NELL1: variants seen among roughly 807,000 people sequenced by gnomAD.
NELL1 encodes protein kinase C-binding protein NELL1.
A neutral mutation model predicts 107.4 loss-of-function variants in NELL1; 76 were observed. That is an observed-to-expected ratio of 0.71 (90% CI 0.59 to 0.86). NELL1 has a LOEUF of 0.86. NELL1 is among the 40% of genes least tolerant of loss of function. The pLI is 0.00. For synonymous variants in NELL1, 353 were observed against 341.2 expected (o/e 1.03, Z -0.38); for missense variants, 1,024 against 1,005.5 (o/e 1.02, Z -0.25).
chr11:20,781,943 G>A (rs1203850562), intron 2 of NELL1, among the ~76,000 whole-genome samples: 1 of 150,286 alleles, frequency 6.7e-6, no homozygotes, highest in Non-Finnish European at 1.5e-5. Context: ...TTGGGAGGCT[G>A]AAGTGGGAGA....
Position 21,345,339 on chromosome 11 carries a change from G to C in NELL1, c.1550-25514G>C, listed in dbSNP as rs182858827. On this transcript the variant is annotated intron_variant, in intron 14 of 19. Transcript: ENST00000357134. ...GCTCAATGTCACACACAAAATGAGT[G>C]TTTAAGTGTACCCTATCCCCACCTT... 6.0e-4 allele frequency among the ~76,000 whole-genome samples: 91 copies of C among 152,304 alleles called. 3 individuals carry two copies. Among genetic ancestry groups the C allele is most frequent in the Admixed American group, 5.0e-3 (76 of 15,298 alleles).
intron 13 of NELL1, among the ~76,000 whole-genome samples, chr11:21,164,554 C>G (rs1480321026): frequency 6.6e-6 from 1 of 152,178 alleles, no homozygotes; most frequent in Non-Finnish European, 1.5e-5. Flanking sequence ...TAGTGTTATA[C>G]ACACTAGATA....
At chr11:21,020,557 G>C (rs754434942) in intron 12 of NELL1, among the ~76,000 whole-genome samples, 5 of 151,952 alleles carry the variant, frequency 3.3e-5, no homozygotes, top group Non-Finnish European at 5.9e-5. Flanking sequence ...AGCAGATCAG[G>C]AAAAGTTGAA....
At chr11:21,511,395 A>G (rs1430715977) in intron 15 of NELL1, among the ~76,000 whole-genome samples, 1 of 152,122 alleles carries the variant, frequency 6.6e-6, no homozygotes, top group Admixed American at 6.6e-5. Context: ...AGCGCCCTCC[A>G]CTAAGCCTGC....
At chr11:20,937,928 A>C (rs1850761792) in intron 10 of NELL1, 69 bp downstream of exon 10, 2 of 1,475,850 alleles carry the variant, frequency 1.4e-6, no homozygotes, top group Non-Finnish European at 1.9e-6. Context: ...GCTTTAGATG[A>C]GGTTCTTGAG....
chr11:21,419,386 A>AT (rs1328864411), intron 15 of NELL1, among the ~76,000 whole-genome samples: 2 of 152,250 alleles, frequency 1.3e-5, no homozygotes, highest in East Asian at 1.9e-4. Context: ...AAACCGTCAC[A>AT]TTTTTGTGTA....
intron 14 of NELL1, among the ~76,000 whole-genome samples, chr11:21,333,047 T>C (rs1850307117): frequency 1.3e-5 from 2 of 152,078 alleles, no homozygotes; most frequent in Admixed American, 1.3e-4. Context: ...TTCATTATTT[T>C]AGAATTCATG....
At chr11:20,822,760 G>C (rs986176396) in intron 3 of NELL1, among the ~76,000 whole-genome samples, 3 of 152,184 alleles carry the variant, frequency 2.0e-5, no homozygotes, top group African/African-American at 7.2e-5. Flanking sequence ...GTGGTTACCA[G>C]TGCAGGATGG....
chr11:20,699,700 C>T (rs1459450829), intron 2 of NELL1, among the ~76,000 whole-genome samples: 1 of 152,218 alleles, frequency 6.6e-6, no homozygotes, highest in African/African-American at 2.4e-5. Context: ...GGCATTTAGG[C>T]TGGCTCCATA....
At chr11:21,225,515 A>T (rs140306542) in intron 13 of NELL1, among the ~76,000 whole-genome samples, 1 of 152,002 alleles carries the variant, frequency 6.6e-6, no homozygotes, top group Non-Finnish European at 1.5e-5. Flanking sequence ...AAGTTTCTGT[A>T]CCCTAAAAGG....
chr11:20,724,027 CA>C (rs1252737492), intron 2 of NELL1, among the ~76,000 whole-genome samples: 3 of 19,452 alleles, frequency 1.5e-4, no homozygotes, highest in Non-Finnish European at 1.2e-3. Flanking sequence ...GGCAGGGTGC[CA>C]TGTCCTGAGG....
At chr11:21,321,256 C>A (rs1850002805) in intron 14 of NELL1, among the ~76,000 whole-genome samples, 1 of 152,074 alleles carries the variant, frequency 6.6e-6, no homozygotes, top group Non-Finnish European at 1.5e-5. Context: ...CATTTCCTAC[C>A]CAGCATCAGC....
intron 15 of NELL1, among the ~76,000 whole-genome samples, chr11:21,514,922 T>C (rs1404605644): frequency 6.6e-6 from 1 of 152,100 alleles, no homozygotes; most frequent in Admixed American, 6.6e-5. Flanking sequence ...TTGGGTGGGG[T>C]AGGTGATACT....
At chr11:20,951,770 A>C (rs1851073356) in intron 11 of NELL1, among the ~76,000 whole-genome samples, 1 of 152,138 alleles carries the variant, frequency 6.6e-6, no homozygotes. Flanking sequence ...TCTCAGTCAC[A>C]CAACAGCACC....
chr11:21,241,546 G>C (rs1031885068), intron 14 of NELL1, among the ~76,000 whole-genome samples: 1 of 152,060 alleles, frequency 6.6e-6, no homozygotes, highest in African/African-American at 2.4e-5. Flanking sequence ...TCTTGACTCA[G>C]GTCTTTTTTA....
chr11:21,275,341 C>T (rs1303695771), intron 14 of NELL1, among the ~76,000 whole-genome samples: 2 of 152,148 alleles, frequency 1.3e-5, no homozygotes, highest in African/African-American at 4.8e-5. Context: ...CCTCCTGAGA[C>T]TAAACCAGGA....
At chr11:21,261,955 T>G (rs1226315914) in intron 14 of NELL1, among the ~76,000 whole-genome samples, 5 of 151,894 alleles carry the variant, frequency 3.3e-5, no homozygotes, top group Non-Finnish European at 7.4e-5. Context: ...TTTCATTTTT[T>G]TACACACCTC....
At chr11:21,136,959 A>G (rs1318181564) in intron 13 of NELL1, among the ~76,000 whole-genome samples, 1 of 152,234 alleles carries the variant, frequency 6.6e-6, no homozygotes, top group Non-Finnish European at 1.5e-5. Flanking sequence ...GTATCCTTAA[A>G]GGCAGTCATT....
intron 14 of NELL1, among the ~76,000 whole-genome samples, chr11:21,269,168 G>T (rs1204219470): frequency 6.6e-6 from 1 of 151,942 alleles, no homozygotes; most frequent in East Asian, 1.9e-4. Context: ...AGAACTGTGG[G>T]ACCACCATAG....
Sources: gnomAD v4.1 joint callset for allele counts (sites outside exome capture counted in the v4.1 genomes callset) on GRCh38, gnomAD v4.1.1 for gene constraint, MANE v1.5 for transcripts, NCBI Gene and HGNC (gene_info 2026-07-23, HGNC 2026-07-21) for gene names.